Variants in FOXN3 observed in about 807,000 individuals in gnomAD.
FOXN3 encodes the protein forkhead box protein N3.
In FOXN3, 7 loss-of-function variants were observed where a neutral mutation model predicts 38.4. The ratio of observed to expected loss-of-function variants is 0.18; its 90% CI spans 0.10 to 0.34. The LOEUF (loss-of-function observed/expected upper bound fraction) is 0.34, where lower values mean the gene tolerates loss of function less well. Ranked by LOEUF, FOXN3 falls within the 10% of genes least tolerant of loss-of-function variation. The probability of loss-of-function intolerance (pLI) is 1.00; values close to 1 mark genes in which losing one functional copy is unlikely to be tolerated. For synonymous variants in FOXN3, 230 were observed against 242.2 expected, an observed-to-expected ratio of 0.95 and a Z score of 0.47; for missense variants, 456 against 613.4, an observed-to-expected ratio of 0.74 and a Z score of 2.71.
chr14:89,302,232 G>A (rs541132120), intron 3 of FOXN3, among the ~76,000 whole-genome samples: 1 of 152,264 alleles, frequency 6.6e-6, no homozygotes, highest in African/African-American at 2.4e-5. Flanking sequence ...GGCAAATAAT[G>A]TTGCTGAACT....
At chr14:89,463,408 C>A (rs1229720636) in intron 1 of FOXN3, among the ~76,000 whole-genome samples, 1 of 152,170 alleles carries the variant, frequency 6.6e-6, no homozygotes, top group African/African-American at 2.4e-5. Flanking sequence ...GGGATTAAGT[C>A]TCCAATACAT....
intron 3 of FOXN3, 72 bp downstream of exon 3, chr14:89,350,600 A>C (rs1381218456): frequency 2.8e-5 from 36 of 1,297,150 alleles, no homozygotes; most frequent in Non-Finnish European, 6.1e-6. Flanking sequence ...CTATTAAATT[A>C]ATTTCCGCGC....
Position 89,227,715 on chromosome 14 carries a change from C to A in FOXN3, c.746-46909G>T, listed in dbSNP as rs558809869. On this transcript the variant is annotated intron_variant, in intron 4 of 5. Transcript: ENST00000557258. ...ATAAAGCACAGTCACCCTGAGATTA[C>A]CTTACATCACAGAAGGCTCCGTCTT... 3.3e-5 allele frequency among the ~76,000 whole-genome samples: 5 copies of A among 152,286 alleles called. No individual in the cohort carries two copies. In the South Asian group the frequency reaches 1.0e-3, roughly 32 times the overall value.
chr14:89,439,991 C>G (rs4899995), intron 1 of FOXN3, among the ~76,000 whole-genome samples: 53,436 of 151,784 alleles, frequency 0.35, 9,902 homozygotes, highest in East Asian at 0.57. Flanking sequence ...TCACTTTACT[C>G]TATGGACTCG....
intron 4 of FOXN3, chr14:89,185,759 A>G (rs1887789130): frequency 6.6e-6 from 1 of 152,180 alleles, no homozygotes; most frequent in African/African-American, 2.4e-5. Flanking sequence ...ACTTCCCCAC[A>G]CTTGCCATCA....
intron 1 of FOXN3, among the ~76,000 whole-genome samples, chr14:89,575,569 C>G (rs2139901315): frequency 6.6e-6 from 1 of 152,208 alleles, no homozygotes; most frequent in East Asian, 1.9e-4. Context: ...AGCACAGCTC[C>G]AGAGCACAAA....
At position 89,424,136 on chromosome 14, in the gene FOXN3, A is replaced by G. The variant is rs141311953; in HGVS notation, c.-14-11646T>C. Among the ~76,000 whole-genome samples the G allele has an allele frequency of 8.7e-4, 133 of 152,326 alleles. 1 individual carries two copies. Among genetic ancestry groups the G allele is most frequent in the African/African-American group, 2.9e-3 (121 of 41,582 alleles). Reference sequence around the variant, plus strand: ...GGAAATTGCTGAAATAAGAGGCCAGAGGCATATTATTACATTCTGTGGGGC... The same window carrying G: ...GGAAATTGCTGAAATAAGAGGCCAGGGGCATATTATTACATTCTGTGGGGC... On this transcript the variant is annotated intron_variant, in intron 1 of 6. Transcript: ENST00000345097.
chr14:89,219,188 G>A (rs1884376776), intron 4 of FOXN3, among the ~76,000 whole-genome samples: 1 of 152,110 alleles, frequency 6.6e-6, no homozygotes, highest in African/African-American at 2.4e-5. Flanking sequence ...GATCATGGGG[G>A]TGGATGTCCC....
intron 3 of FOXN3, chr14:89,290,713 G>T: frequency 2.7e-6 from 1 of 374,908 alleles, no homozygotes; most frequent in Non-Finnish European, 5.2e-6. Flanking sequence ...CTTCTGTGGG[G>T]AGACGTACTT....
upstream of FOXN3, chr14:89,419,399 C>A (rs755743515): frequency 9.5e-5 from 32 of 336,984 alleles, no homozygotes; most frequent in Non-Finnish European, 1.8e-4. Flanking sequence ...TGGGAACAAC[C>A]CCATTCACAA....
At chr14:89,330,767 G>A (rs1033315988) in intron 3 of FOXN3, among the ~76,000 whole-genome samples, 19 of 152,356 alleles carry the variant, frequency 1.2e-4, no homozygotes, top group Admixed American at 1.2e-3. Flanking sequence ...ACTCGCTGCT[G>A]TAAAATGCAT....
intron 1 of FOXN3, among the ~76,000 whole-genome samples, chr14:89,605,150 T>G (rs570224662): frequency 6.6e-6 from 1 of 151,948 alleles, no homozygotes; most frequent in Non-Finnish European, 1.5e-5. Flanking sequence ...AATGATAATA[T>G]GTAATCTGTG....
chr14:89,381,895 G>A (rs2140067828), intron 2 of FOXN3, among the ~76,000 whole-genome samples: 1 of 152,076 alleles, frequency 6.6e-6, no homozygotes, highest in Admixed American at 6.6e-5. Context: ...GACGGAGGGA[G>A]GGGCGGCAAT....
intron 4 of FOXN3, among the ~76,000 whole-genome samples, chr14:89,269,130 G>A (rs1449157202): frequency 2.0e-5 from 3 of 152,164 alleles, no homozygotes; most frequent in East Asian, 1.9e-4. Context: ...ACTGGCAGAC[G>A]TCATCAACAC....
intron 1 of FOXN3, among the ~76,000 whole-genome samples, chr14:89,562,972 G>A (rs1895280958): frequency 1.3e-5 from 2 of 152,194 alleles, no homozygotes; most frequent in Non-Finnish European, 1.5e-5. Flanking sequence ...TGGGAAAAGA[G>A]AGAAAAATGA....
chr14:89,612,686 C>T (rs775162897), intron 1 of FOXN3, among the ~76,000 whole-genome samples: 6 of 151,832 alleles, frequency 4.0e-5, no homozygotes, highest in Non-Finnish European at 8.8e-5. Flanking sequence ...CCCAGCCACT[C>T]GGGAGGTTGA....
chr14:89,272,411 A>G (rs1596145393), intron 4 of FOXN3, among the ~76,000 whole-genome samples: 1 of 151,704 alleles, frequency 6.6e-6, no homozygotes, highest in Non-Finnish European at 1.5e-5. Flanking sequence ...ACTTCAATTA[A>G]AAAAAAAGGT....
chr14:89,193,204 A>G (rs1888008681), intron 4 of FOXN3, among the ~76,000 whole-genome samples: 1 of 152,026 alleles, frequency 6.6e-6, no homozygotes, highest in Non-Finnish European at 1.5e-5. Flanking sequence ...ACTCGTACCC[A>G]AAGTTTTTCT....
At chr14:89,381,985 A>C (rs1320185678) in intron 2 of FOXN3, among the ~76,000 whole-genome samples, 2 of 152,096 alleles carry the variant, frequency 1.3e-5, no homozygotes, top group Non-Finnish European at 2.9e-5. Flanking sequence ...TCTGCCTGTC[A>C]ATTGATTATC....
Sources: gnomAD v4.1 joint callset for allele counts (sites outside exome capture counted in the v4.1 genomes callset) on GRCh38, gnomAD v4.1.1 for gene constraint, MANE v1.5 for transcripts, NCBI Gene and HGNC (gene_info 2026-07-23, HGNC 2026-07-21) for gene names.